ROR1: variants seen among roughly 807,000 people sequenced by gnomAD.
The protein encoded by ROR1 is inactive tyrosine-protein kinase transmembrane receptor ROR1.
A neutral mutation model predicts 78.8 loss-of-function variants in ROR1; 19 were observed. The ratio of observed to expected loss-of-function variants is 0.24; its 90% CI spans 0.17 to 0.35. ROR1 has a LOEUF of 0.35. ROR1 is among the 10% of genes least tolerant of loss of function. The probability of loss-of-function intolerance (pLI) is 1.00; values close to 1 mark genes in which losing one functional copy is unlikely to be tolerated. For missense variants in ROR1, 917 were observed against 1,177.8 expected (o/e 0.78, Z 3.24); for synonymous variants, 386 against 433.6 (o/e 0.89, Z 1.36).
At chr1:63,848,451 T>A (rs1279305389) in intron 1 of ROR1, among the ~76,000 whole-genome samples, 13 of 152,216 alleles carry the variant, frequency 8.5e-5, no homozygotes, top group Non-Finnish European at 1.3e-4. Flanking sequence ...TATAAATATA[T>A]GCCCCTTTCC....
chr1:63,999,130 C>G (rs991288306), intron 1 of ROR1, among the ~76,000 whole-genome samples: 1 of 152,220 alleles, frequency 6.6e-6, no homozygotes, highest in African/African-American at 2.4e-5. Context: ...TACAGAAATA[C>G]AGACGTATAC....
intron 1 of ROR1, among the ~76,000 whole-genome samples, chr1:63,784,197 G>C (rs1644670538): frequency 6.6e-6 from 1 of 152,080 alleles, no homozygotes; most frequent in Admixed American, 6.5e-5. Flanking sequence ...AAAAAATACA[G>C]TTAAATAGGA....
chr1:64,073,629 G>T (rs781604330), intron 4 of ROR1, among the ~76,000 whole-genome samples: 1 of 152,198 alleles, frequency 6.6e-6, no homozygotes, highest in African/African-American at 2.4e-5. Flanking sequence ...TTAAGACATC[G>T]CAACTCCATG....
chr1:64,139,121 C>T (rs535066522), intron 5 of ROR1, among the ~76,000 whole-genome samples: 21 of 136,000 alleles, frequency 1.5e-4, no homozygotes, highest in Non-Finnish European at 2.1e-4. Context: ...GAGCTGAGAG[C>T]GTAACCCTGC....
At chr1:63,938,891 G>A (rs922568820) in intron 1 of ROR1, among the ~76,000 whole-genome samples, 3 of 152,130 alleles carry the variant, frequency 2.0e-5, no homozygotes, top group Non-Finnish European at 4.4e-5. Context: ...CCAGCTACTT[G>A]GGAGGCTGAG....
chr1:64,167,001 T>C (rs1650107261), intron 8 of ROR1, among the ~76,000 whole-genome samples: 1 of 152,184 alleles, frequency 6.6e-6, no homozygotes, highest in African/African-American at 2.4e-5. Context: ...CCCTATGAAG[T>C]AGGTACTAAT....
chr1:63,955,277 C>G (rs1237497726), intron 1 of ROR1, among the ~76,000 whole-genome samples: 2 of 152,168 alleles, frequency 1.3e-5, no homozygotes, highest in Non-Finnish European at 2.9e-5. Flanking sequence ...AAAAAATCCT[C>G]TTAACTACAA....
intron 1 of ROR1, among the ~76,000 whole-genome samples, chr1:63,971,379 G>T (rs771905461): frequency 1.3e-5 from 2 of 152,124 alleles, no homozygotes; most frequent in Non-Finnish European, 2.9e-5. Flanking sequence ...CCCACAATAA[G>T]CACTAAGTGT....
chr1:64,088,844 A>G (rs1296728992), intron 4 of ROR1, among the ~76,000 whole-genome samples: 1 of 152,190 alleles, frequency 6.6e-6, no homozygotes, highest in Non-Finnish European at 1.5e-5. Context: ...ATCCTTGGAA[A>G]GCAATACAGA....
intron 1 of ROR1, among the ~76,000 whole-genome samples, chr1:63,782,430 C>G (rs1401336895): frequency 6.6e-6 from 1 of 151,954 alleles, no homozygotes; most frequent in Admixed American, 6.6e-5. Context: ...GAAAGTGTCA[C>G]AACGTGGAAA....
intron 1 of ROR1, among the ~76,000 whole-genome samples, chr1:63,863,384 C>T (rs1645193570): frequency 6.6e-6 from 1 of 152,106 alleles, no homozygotes; most frequent in African/African-American, 2.4e-5. Flanking sequence ...ACTTCGGAGC[C>T]TGAGTTTCTG....
chr1:63,932,394 T>G (rs1210563668), intron 1 of ROR1, among the ~76,000 whole-genome samples: 4 of 152,144 alleles, frequency 2.6e-5, no homozygotes, highest in African/African-American at 9.7e-5. Flanking sequence ...CACTCAGGTC[T>G]CGGCAAGAAT....
chr1:63,906,547 C>A (rs1474977694), intron 1 of ROR1, among the ~76,000 whole-genome samples: 1 of 152,138 alleles, frequency 6.6e-6, no homozygotes, highest in Non-Finnish European at 1.5e-5. Flanking sequence ...CAAGGTTAAG[C>A]GCTGCAGTCT....
At chr1:64,033,774 T>C (rs2100572579) in intron 2 of ROR1, among the ~76,000 whole-genome samples, 1 of 152,374 alleles carries the variant, frequency 6.6e-6, no homozygotes, top group South Asian at 2.1e-4. Context: ...ATGAAATTTA[T>C]TGAGACTTGC....
At chr1:64,065,301 T>C (rs1252932588) in intron 4 of ROR1, among the ~76,000 whole-genome samples, 1 of 152,240 alleles carries the variant, frequency 6.6e-6, no homozygotes, top group Non-Finnish European at 1.5e-5. Flanking sequence ...GCTCAGACTT[T>C]GGCCAGTCTG....
intron 4 of ROR1, among the ~76,000 whole-genome samples, chr1:64,116,772 C>T (rs924543747): frequency 2.6e-5 from 4 of 152,112 alleles, no homozygotes; most frequent in African/African-American, 9.7e-5. Context: ...TTCCATTCTG[C>T]CATGACTTTG....
chr1:64,053,647 A>G (rs1267190019), intron 4 of ROR1, among the ~76,000 whole-genome samples: 1 of 152,194 alleles, frequency 6.6e-6, no homozygotes. Context: ...ACAGTGTCAA[A>G]TATACCTTTT....
intron 4 of ROR1, among the ~76,000 whole-genome samples, chr1:64,131,062 G>A (rs997842270): frequency 2.6e-5 from 4 of 152,156 alleles, no homozygotes; most frequent in South Asian, 2.1e-4. Flanking sequence ...GTTTGCTTGG[G>A]TAAAGAGAAA....
intron 1 of ROR1, among the ~76,000 whole-genome samples, chr1:63,897,140 A>G (rs905234960): frequency 6.6e-6 from 1 of 152,152 alleles, no homozygotes; most frequent in Non-Finnish European, 1.5e-5. Flanking sequence ...TCACGTATTC[A>G]TCTGTGATGC....
Sources: allele counts gnomAD v4.1 joint callset (sites outside exome capture counted in the v4.1 genomes callset), GRCh38; gene constraint gnomAD v4.1.1; transcripts MANE v1.5; gene names NCBI Gene and HGNC (gene_info 2026-07-23, HGNC 2026-07-21).